Variants in MTMR7 observed in about 807,000 individuals in gnomAD.
MTMR7 encodes myotubularin related protein 7.
In MTMR7, 76 loss-of-function variants were observed where a neutral mutation model predicts 81.2. The observed-to-expected ratio is 0.94, with a 90% CI of 0.78 to 1.13. The LOEUF (loss-of-function observed/expected upper bound fraction) is 1.13, where lower values mean the gene tolerates loss of function less well. Ranked by LOEUF, MTMR7 falls within the 50% of genes most tolerant of loss-of-function variation. MTMR7 has a pLI of 0.00. For synonymous variants in MTMR7, 372 were observed against 289.8 expected, an observed-to-expected ratio of 1.28 and a Z score of -2.88; for missense variants, 1,044 against 820.0, an observed-to-expected ratio of 1.27 and a Z score of -3.34.
At chr8:17,315,868 C>A (rs1252730793) in intron 7 of MTMR7, among the ~76,000 whole-genome samples, 3 of 152,000 alleles carry the variant, frequency 2.0e-5, no homozygotes, top group African/African-American at 4.8e-5. Context: ...AAAAAATGAG[C>A]GAGACTGAGT....
intron 1 of MTMR7, among the ~76,000 whole-genome samples, chr8:17,386,815 A>C (rs1820956441): frequency 6.6e-6 from 1 of 152,222 alleles, no homozygotes; most frequent in South Asian, 2.1e-4. Flanking sequence ...GGGTAGCTGG[A>C]TTGGCAGTAC....
At chr8:17,304,801 C>G (rs1224599895) in intron 11 of MTMR7, among the ~76,000 whole-genome samples, 1 of 132,762 alleles carries the variant, frequency 7.5e-6, no homozygotes, top group Non-Finnish European at 1.6e-5. Flanking sequence ...TTTTTTCCCC[C>G]AAATAGTCAT....
rs1463685913 is a variant in MTMR7, at chr8:17,298,061, T to C, written c.*1801A>G. On this transcript the variant is annotated 3_prime_UTR_variant, in exon 14 of 14. Transcript: ENST00000180173. ...ATTTTTTAAAAAATGTTTATTGTTT[T>C]TATAGACATACACTGTCAAACGGAA... 6.6e-6 allele frequency: 1 copy of C among 152,072 alleles called. No individual in the cohort carries two copies. Among genetic ancestry groups the C allele is most frequent in the Non-Finnish European group, 1.5e-5 (1 of 67,912 alleles). The allele number at this position is 152,072 out of a possible 1,614,324, so 9.4% of individuals were successfully genotyped here.
In MTMR7 at chr8:17,299,016, T is replaced by C. The variant is rs1009027187; in HGVS notation, c.*846A>G. ...TCACAGATGTTTTATCTACTAACTTTATAATGTGATACTTTGAGATCAGGC... is the reference window on the plus strand; with the variant it reads ...TCACAGATGTTTTATCTACTAACTTCATAATGTGATACTTTGAGATCAGGC... On this transcript the variant is annotated 3_prime_UTR_variant, in exon 14 of 14. Coordinates refer to ENST00000180173, the MANE Select transcript of MTMR7 (RefSeq NM_004686.5). The C allele has an allele frequency of 2.0e-5, 3 of 152,206 alleles. No homozygotes were observed. The highest frequency in any genetic ancestry group is 6.5e-5 in the Admixed American group (1 of 15,284). The allele number at this position is 152,206 out of a possible 1,614,324, so 9.4% of individuals were successfully genotyped here.
intron 1 of MTMR7, among the ~76,000 whole-genome samples, chr8:17,380,206 A>G (rs73209000): frequency 0.06 from 9,146 of 152,280 alleles, 325 homozygotes; most frequent in Non-Finnish European, 0.071. Context: ...CTCCACCAAT[A>G]TCTCATGAAT....
At chr8:17,405,268 T>C (rs1211854609) in intron 1 of MTMR7, among the ~76,000 whole-genome samples, 56 of 152,312 alleles carry the variant, frequency 3.7e-4, no homozygotes, top group Admixed American at 3.7e-3. Context: ...ACCTAACAAG[T>C]AGCCTCCCAG....
At position 17,297,982 on chromosome 8, in the gene MTMR7, T is replaced by TACTA. The variant is rs1816835684; in HGVS notation, c.*1876_*1879dup. On this transcript the variant is annotated 3_prime_UTR_variant, in exon 14 of 14. Coordinates refer to ENST00000180173, the MANE Select transcript of MTMR7 (RefSeq NM_004686.5). ...TACATTTTAAAACATCAAATATTTA[T>TACTA]ACTATTTGCTTTTCAAATAAAAGCA... 1 of 152,264 alleles carries TACTA rather than the reference T, an allele frequency of 6.6e-6. No homozygotes were observed. The highest frequency in any genetic ancestry group is 2.1e-4 in the South Asian group (1 of 4,832). The allele number at this position is 152,264 out of a possible 1,614,324, so 9.4% of individuals were successfully genotyped here.
At chr8:17,341,979 T>C (rs1819420052) in intron 5 of MTMR7, among the ~76,000 whole-genome samples, 2 of 152,020 alleles carry the variant, frequency 1.3e-5, no homozygotes, top group Admixed American at 6.5e-5. Context: ...CCAATTCTAA[T>C]TCTAAACGGG....
At chr8:17,411,684 A>G (rs1335075953) in intron 1 of MTMR7, among the ~76,000 whole-genome samples, 3 of 152,194 alleles carry the variant, frequency 2.0e-5, no homozygotes, top group African/African-American at 7.2e-5. Flanking sequence ...GACTTCAAGT[A>G]CTGCACTGCT....
At position 17,300,038 on chromosome 8, in the gene MTMR7, G is replaced by C. The variant is rs1466778333; in HGVS notation, c.1807C>G (p.Leu603Val). ...SPSQGDEDSALILTQDNLKSS... is the reference protein window; with the variant it reads ...SPSQGDEDSAVILTQDNLKSS... ...TTCAGATTGTCTTGGGTTAGAATCA[G>C]AGCAGAATCTTCATCGCCTTGTGAA... Residue 603 changes from leucine to valine, a missense_variant, in exon 14 of 14, where the codon CTG becomes GTG. Transcript: ENST00000180173. The C allele has an allele frequency of 6.2e-7, 1 of 1,614,130 alleles. No individual in the cohort carries two copies. Among genetic ancestry groups the C allele is most frequent in the Non-Finnish European group, 8.5e-7 (1 of 1,180,008 alleles).
chr8:17,373,192 G>C lies in MTMR7; in HGVS notation c.73C>G (p.Leu25Val), dbSNP rs373067230. 3.1e-6 allele frequency: 5 copies of C among 1,613,562 alleles called. No homozygotes were observed. The highest frequency in any genetic ancestry group is 2.2e-5 in the South Asian group (2 of 91,056). The change falls in exon 2 of 14, where the codon CTA becomes GTA. Residue 25 changes from leucine (L) to valine (V), a missense_variant. Coordinates refer to ENST00000180173, the MANE Select transcript of MTMR7 (RefSeq NM_004686.5). The stretch of plus-strand genomic sequence containing the variant: ...GTAGCCGTCAAATACAAAGTACCTA[G>C]AGCTGCTTTTTTAGGAGACACTCGA... ...VDRVSPKKAA[L>V]GTLYLTATHV...
intron 1 of MTMR7, among the ~76,000 whole-genome samples, chr8:17,388,631 C>G (rs1410502581): frequency 1.3e-5 from 2 of 152,174 alleles, no homozygotes; most frequent in African/African-American, 4.8e-5. Flanking sequence ...AAGGACGAAA[C>G]CATCTACTTA....
At chr8:17,346,543 G>T (rs1038378996) in intron 5 of MTMR7, among the ~76,000 whole-genome samples, 2 of 152,078 alleles carry the variant, frequency 1.3e-5, no homozygotes, top group African/African-American at 2.4e-5. Flanking sequence ...GTCAGCCGGG[G>T]AAGAAGCTGC....
chr8:17,301,873 ACTACTCT>A (rs2150459688), intron 13 of MTMR7: 1 of 419,772 alleles, frequency 2.4e-6, no homozygotes, highest in East Asian at 3.5e-5. Context: ...AATTAATTTT[ACTACTCT>A]CAAATAACAG....
intron 1 of MTMR7, among the ~76,000 whole-genome samples, chr8:17,399,712 C>T (rs1821365238): frequency 6.6e-6 from 1 of 152,028 alleles, no homozygotes; most frequent in Non-Finnish European, 1.5e-5. Flanking sequence ...AATCACATTA[C>T]CTGAAAGGAA....
intron 10 of MTMR7, 84 bp downstream of exon 10, chr8:17,309,193 G>T: frequency 2.1e-6 from 2 of 943,510 alleles, no homozygotes; most frequent in Non-Finnish European, 3.3e-6. Context: ...AAAACAAGAC[G>T]ATTTTCCCCT....
At chr8:17,413,169 G>T (rs1030032701) in intron 1 of MTMR7, 100 bp downstream of exon 1, 2 of 1,366,758 alleles carry the variant, frequency 1.5e-6, no homozygotes, top group Non-Finnish European at 2.0e-6. Flanking sequence ...AGGCTCCGCC[G>T]GTGCCCCTCA....
chr8:17,302,686 C>T (rs2150462232), intron 12 of MTMR7, among the ~76,000 whole-genome samples: 1 of 95,302 alleles, frequency 1.0e-5, no homozygotes, highest in South Asian at 4.1e-4. Context: ...TAAAAGTTGA[C>T]ATTTGCATTG....
chr8:17,365,772 T>C (rs1277484766), intron 3 of MTMR7, among the ~76,000 whole-genome samples: 3 of 152,242 alleles, frequency 2.0e-5, no homozygotes, highest in Non-Finnish European at 4.4e-5. Context: ...TATTATCTAA[T>C]TAAATCATAT....
Sources: allele counts gnomAD v4.1 joint callset (sites outside exome capture counted in the v4.1 genomes callset), GRCh38; gene constraint gnomAD v4.1.1; transcripts MANE v1.5; gene names NCBI Gene and HGNC (gene_info 2026-07-23, HGNC 2026-07-21).